CCSER1: variants seen among roughly 807,000 people sequenced by gnomAD.
CCSER1 encodes the protein serine-rich coiled-coil domain-containing protein 1.
A neutral mutation model predicts 82.0 loss-of-function variants in CCSER1; 41 were observed. That is an observed-to-expected ratio of 0.50 (90% CI 0.39 to 0.65). The LOEUF (loss-of-function observed/expected upper bound fraction) is 0.65. Ranked by LOEUF, CCSER1 falls within the 30% of genes least tolerant of loss-of-function variation. CCSER1 has a pLI of 0.00. For synonymous variants in CCSER1, 414 were observed against 383.9 expected, an observed-to-expected ratio of 1.08 and a Z score of -0.92; for missense variants, 1,119 against 1,064.2, an observed-to-expected ratio of 1.05 and a Z score of -0.72.
chr4:90,881,993 A>C (rs532007076), intron 8 of CCSER1, among the ~76,000 whole-genome samples: 1 of 152,194 alleles, frequency 6.6e-6, no homozygotes, highest in East Asian at 1.9e-4. Context: ...TGAAGAAATA[A>C]CTACTACATT....
intron 5 of CCSER1, among the ~76,000 whole-genome samples, chr4:90,563,559 C>A (rs1289912250): frequency 6.6e-6 from 1 of 152,146 alleles, no homozygotes; most frequent in Non-Finnish European, 1.5e-5. Context: ...GTGCCTGACT[C>A]ATTTCATTTA....
intron 8 of CCSER1, among the ~76,000 whole-genome samples, chr4:90,842,037 T>C (rs1156387161): frequency 4.7e-5 from 7 of 147,398 alleles, no homozygotes; most frequent in African/African-American, 9.9e-5. Flanking sequence ...GTTTTTTTTT[T>C]CCCATTAAAA....
At chr4:90,663,976 T>C in intron 6 of CCSER1, 1 of 189,586 alleles carries the variant, frequency 5.3e-6, no homozygotes, top group East Asian at 1.5e-4. Flanking sequence ...AAGATAAAAA[T>C]TGGTTTTTCA....
At chr4:91,314,433 A>G (rs1020060393) in intron 10 of CCSER1, among the ~76,000 whole-genome samples, 5 of 151,934 alleles carry the variant, frequency 3.3e-5, no homozygotes, top group Non-Finnish European at 5.9e-5. Context: ...AATGCAAACT[A>G]TATGTCATAA....
chr4:91,361,857 T>C (rs1051701665), intron 10 of CCSER1, among the ~76,000 whole-genome samples: 55 of 151,818 alleles, frequency 3.6e-4, no homozygotes, highest in African/African-American at 1.3e-3. Flanking sequence ...CCCTATATTG[T>C]AAAAGTTGGC....
At chr4:90,825,324 T>A (rs1760269187) in intron 8 of CCSER1, among the ~76,000 whole-genome samples, 1 of 152,232 alleles carries the variant, frequency 6.6e-6, no homozygotes, top group African/African-American at 2.4e-5. Context: ...TTGGATATTT[T>A]AAATTTATTA....
intron 5 of CCSER1, among the ~76,000 whole-genome samples, chr4:90,487,429 A>C (rs1054707737): frequency 6.6e-6 from 1 of 152,202 alleles, no homozygotes; most frequent in African/African-American, 2.4e-5. Context: ...AATGTACAGT[A>C]GTCATTTTAT....
chr4:91,601,015 T>A lies in CCSER1; in HGVS notation c.*1958T>A, dbSNP rs1206412916. On this transcript the variant is annotated 3_prime_UTR_variant, in exon 11 of 11. Coordinates refer to ENST00000509176, the MANE Select transcript of CCSER1 (RefSeq NM_001145065.2). ...TAATTGTGGAATTCAGCTTGATTTG[T>A]CCTAAATGTTGGTGTCTGTTGCTAG... is the stretch of plus-strand genomic sequence containing the variant. The A allele has an allele frequency of 6.6e-6, 1 of 152,148 alleles. No individual in the cohort carries two copies. Among genetic ancestry groups the A allele is most frequent in the African/African-American group, 2.4e-5 (1 of 41,454 alleles). 9.4% of individuals were successfully genotyped at this position (152,148 alleles called of 1,614,324 possible).
intron 9 of CCSER1, among the ~76,000 whole-genome samples, chr4:90,988,919 A>G (rs1452994116): frequency 1.3e-5 from 2 of 151,668 alleles, no homozygotes; most frequent in Non-Finnish European, 2.9e-5. Flanking sequence ...CCCTTTTTGA[A>G]AGTAAACTAA....
chr4:91,164,083 A>G (rs536358010), intron 10 of CCSER1, among the ~76,000 whole-genome samples: 2 of 152,118 alleles, frequency 1.3e-5, no homozygotes, highest in Non-Finnish European at 2.9e-5. Context: ...GTTCCTTTCC[A>G]TATTTAGTGC....
At chr4:91,537,300 C>T (rs1253241257) in intron 10 of CCSER1, among the ~76,000 whole-genome samples, 1 of 152,024 alleles carries the variant, frequency 6.6e-6, no homozygotes, top group Admixed American at 6.6e-5. Flanking sequence ...ATGCTTTTAA[C>T]CACCATACGG....
chr4:91,221,364 T>C (rs1737727378), intron 10 of CCSER1, among the ~76,000 whole-genome samples: 1 of 152,152 alleles, frequency 6.6e-6, no homozygotes, highest in South Asian at 2.1e-4. Flanking sequence ...GAAAACAGTC[T>C]AATCCTCTGT....
intron 5 of CCSER1, among the ~76,000 whole-genome samples, chr4:90,577,156 G>A (rs1780860724): frequency 6.6e-6 from 1 of 151,980 alleles, no homozygotes; most frequent in Non-Finnish European, 1.5e-5. Context: ...CTTATTTCTT[G>A]TCTGTATATC....
chr4:91,173,078 G>A (rs976097165), intron 10 of CCSER1, among the ~76,000 whole-genome samples: 2 of 152,118 alleles, frequency 1.3e-5, no homozygotes, highest in Admixed American at 1.3e-4. Context: ...TTTTGGCCCT[G>A]TTGATCATCA....
chr4:91,280,714 A>T (rs1742852909), intron 10 of CCSER1, among the ~76,000 whole-genome samples: 1 of 152,148 alleles, frequency 6.6e-6, no homozygotes, highest in Admixed American at 6.5e-5. Context: ...ATATTTCCTC[A>T]GGGCATTTTT....
rs1043528089 is a variant in CCSER1, at chr4:90,585,959, A to G, written c.1725-42066A>G. Reference sequence around the variant, plus strand: ...ATTTTCTATTATTATCCTAACTTACAACTGAAAAATAGGTGAAATTCATTA... The same window carrying G: ...ATTTTCTATTATTATCCTAACTTACGACTGAAAAATAGGTGAAATTCATTA... On this transcript the variant is annotated intron_variant, in intron 5 of 10. Transcript: ENST00000509176. 3.9e-5 allele frequency among the ~76,000 whole-genome samples: 6 copies of G among 152,176 alleles called. No homozygotes were observed. The East Asian group carries it at 5.8e-4, about 15-fold the overall frequency.
At chr4:91,186,099 C>T (rs571972886) in intron 10 of CCSER1, among the ~76,000 whole-genome samples, 6 of 152,250 alleles carry the variant, frequency 3.9e-5, no homozygotes, top group South Asian at 2.1e-4. Context: ...AGCGATCGCT[C>T]GAGGCGCTGC....
intron 10 of CCSER1, among the ~76,000 whole-genome samples, chr4:91,288,193 C>T (rs993462114): frequency 2.1e-5 from 3 of 142,952 alleles, no homozygotes; most frequent in East Asian, 2.1e-4. Context: ...CATACATACA[C>T]ATATGTACAC....
intron 1 of CCSER1, among the ~76,000 whole-genome samples, chr4:90,287,829 T>G (rs958746913): frequency 6.6e-6 from 1 of 151,860 alleles, no homozygotes; most frequent in African/African-American, 2.4e-5. Context: ...CTTTATGTAT[T>G]TATGTTTCAT....
Sources: gnomAD v4.1 joint callset for allele counts (sites outside exome capture counted in the v4.1 genomes callset) on GRCh38, gnomAD v4.1.1 for gene constraint, MANE v1.5 for transcripts, NCBI Gene and HGNC (gene_info 2026-07-23, HGNC 2026-07-21) for gene names.